The following SEZ6L variants were observed in gnomAD, a reference collection of about 807,000 sequenced individuals.
SEZ6L encodes the protein seizure 6-like protein.
SEZ6L carries 37 observed loss-of-function variants against 106.2 expected under a neutral mutation model. The observed-to-expected ratio is 0.35, with a 90% confidence interval of 0.27 to 0.46. The LOEUF (loss-of-function observed/expected upper bound fraction) is 0.46, where lower values mean the gene tolerates loss of function less well. Among genes scored for constraint, SEZ6L ranks in the 20% least tolerant of loss-of-function variants. The pLI is 1.00. For missense variants in SEZ6L, 1,172 were observed against 1,332.8 expected (o/e 0.88, Z 1.88); for synonymous variants, 541 against 570.4 (o/e 0.95, Z 0.73).
intron 1 of SEZ6L, among the ~76,000 whole-genome samples, chr22:26,261,797 G>A (rs570422648): frequency 2.6e-5 from 4 of 152,308 alleles, no homozygotes; most frequent in African/African-American, 9.6e-5. Flanking sequence ...ATAAAATGGG[G>A]ATGAAATAAT....
intron 1 of SEZ6L, among the ~76,000 whole-genome samples, chr22:26,219,663 A>T (rs968452804): frequency 6.6e-6 from 1 of 152,228 alleles, no homozygotes; most frequent in African/African-American, 2.4e-5. Context: ...AAAGAGGATC[A>T]TTAAAGTTCT....
At chr22:26,325,303 C>T (rs1008003782) in intron 9 of SEZ6L, among the ~76,000 whole-genome samples, 1 of 152,172 alleles carries the variant, frequency 6.6e-6, no homozygotes, top group African/African-American at 2.4e-5. Flanking sequence ...GCTACCATGA[C>T]CATAGAAGAG....
intron 10 of SEZ6L, among the ~76,000 whole-genome samples, chr22:26,342,544 AC>A (rs778643342): frequency 6.6e-4 from 100 of 151,464 alleles, no homozygotes; most frequent in Non-Finnish European, 1.1e-3. Context: ...AAAAAAAAAA[AC>A]ATTAGCTGGG....
rs143534457 is a variant in SEZ6L at position 26,306,523 on chromosome 22, A to C, written c.1514+379A>C. ...CCATGGAGAACATGAAAGAAGTAGA[A>C]AATATTAGTTTCTGACATGATAGGA... is the stretch of plus-strand genomic sequence containing the variant. On this transcript the variant is annotated intron_variant, in intron 6 of 16. Coordinates refer to ENST00000248933, the MANE Select transcript of SEZ6L (RefSeq NM_021115.5). Among the ~76,000 whole-genome samples, 380 of 152,338 alleles carry C rather than the reference A, an allele frequency of 2.5e-3. 8 individuals carry two copies. The East Asian group carries it at 0.059, about 24-fold the overall frequency.
At chr22:26,372,950 A>G (rs1361734242) in intron 13 of SEZ6L, among the ~76,000 whole-genome samples, 1 of 152,182 alleles carries the variant, frequency 6.6e-6, no homozygotes, top group Admixed American at 6.5e-5. Flanking sequence ...TTTGCCCCAC[A>G]TGAAAATGAT....
chr22:26,171,768 G>C (rs1019863721), intron 1 of SEZ6L, among the ~76,000 whole-genome samples: 1 of 152,170 alleles, frequency 6.6e-6, no homozygotes, highest in Non-Finnish European at 1.5e-5. Flanking sequence ...ATAAGTGTGT[G>C]GTTCTGACTC....
intron 9 of SEZ6L, 132 bp downstream of exon 9, chr22:26,314,034 G>T: frequency 1.2e-6 from 1 of 828,110 alleles, no homozygotes. Flanking sequence ...GCAGAGAACA[G>T]GCATTCCCAT....
At chr22:26,188,473 C>G (rs182138485) in intron 1 of SEZ6L, among the ~76,000 whole-genome samples, 8 of 152,270 alleles carry the variant, frequency 5.3e-5, no homozygotes, top group Admixed American at 5.2e-4. Flanking sequence ...TTGGCCTTCT[C>G]CCACCATGGG....
chr22:26,170,800 G>A (rs371937313), intron 1 of SEZ6L, among the ~76,000 whole-genome samples: 1 of 152,192 alleles, frequency 6.6e-6, no homozygotes, highest in African/African-American at 2.4e-5. Context: ...CGCTCCTCAC[G>A]TGTAAAAAAG....
intron 15 of SEZ6L, among the ~76,000 whole-genome samples, chr22:26,375,906 A>G (rs1400115900): frequency 1.3e-5 from 2 of 152,238 alleles, no homozygotes; most frequent in Admixed American, 6.5e-5. Context: ...GACAAATACT[A>G]TTCCTGCCCT....
At chr22:26,291,289 A>G (rs2081099179) in intron 1 of SEZ6L, among the ~76,000 whole-genome samples, 1 of 152,224 alleles carries the variant, frequency 6.6e-6, no homozygotes, top group Admixed American at 6.5e-5. Context: ...TGTCCTTTGC[A>G]GGGACATAGA....
At chr22:26,308,423 C>A (rs2081707143) in intron 6 of SEZ6L, among the ~76,000 whole-genome samples, 1 of 150,562 alleles carries the variant, frequency 6.6e-6, no homozygotes, top group African/African-American at 2.5e-5. Flanking sequence ...TTTTGAATGC[C>A]AGGCTACTTT....
chr22:26,224,999 C>A (rs143816242), intron 1 of SEZ6L, among the ~76,000 whole-genome samples: 1 of 152,174 alleles, frequency 6.6e-6, no homozygotes, highest in African/African-American at 2.4e-5. Flanking sequence ...ACATGTTTCA[C>A]TTTGGGGCCT....
rs1220370123 is a variant in SEZ6L, at chr22:26,305,962, A to G, written c.1349-17A>G. The G allele has an allele frequency of 2.0e-6, 3 of 1,511,666 alleles. No homozygotes were observed. Among genetic ancestry groups the G allele is most frequent in the Non-Finnish European group, 2.7e-6 (3 of 1,103,672 alleles). The allele number at this position is 1,511,666 out of a possible 1,614,324, so 93.6% of individuals were successfully genotyped here. A position where few individuals can be genotyped will look rare whatever the true frequency, so the allele number is the denominator to read the frequency against. ...CTCTGCTCTCTCCCATTGCCCACCC[A>G]CCCCTTTCTGGATCAGCTCCTTGTG... On this transcript the variant is annotated splice_polypyrimidine_tract_variant and intron_variant, in intron 5 of 16. Coordinates refer to ENST00000248933, the MANE Select transcript of SEZ6L (RefSeq NM_021115.5).
intron 1 of SEZ6L, among the ~76,000 whole-genome samples, chr22:26,213,912 T>G (rs2078229270): frequency 1.3e-5 from 2 of 151,994 alleles, no homozygotes; most frequent in Admixed American, 6.5e-5. Context: ...TAAAATGAGA[T>G]CCTGTCTCTT....
intron 1 of SEZ6L, among the ~76,000 whole-genome samples, chr22:26,193,866 CT>C (rs1312886131): frequency 1.3e-5 from 2 of 152,160 alleles, no homozygotes; most frequent in Non-Finnish European, 2.9e-5. Context: ...ATATCAGGAA[CT>C]GTGCTAGTTA....
chr22:26,220,753 T>C (rs565462141), intron 1 of SEZ6L, among the ~76,000 whole-genome samples: 1 of 152,320 alleles, frequency 6.6e-6, no homozygotes, highest in South Asian at 2.1e-4. Flanking sequence ...CAGGGGCCAC[T>C]GGGTATCCCC....
At chr22:26,350,999 C>A in intron 11 of SEZ6L, 53 bp from the exon 12 acceptor site, 1 of 1,539,610 alleles carries the variant, frequency 6.5e-7, no homozygotes, top group Non-Finnish European at 8.8e-7. Flanking sequence ...CTCAGCAAAC[C>A]CATGGTCATC....
chr22:26,299,529 T>G (rs980593678), intron 5 of SEZ6L, among the ~76,000 whole-genome samples: 1 of 152,220 alleles, frequency 6.6e-6, no homozygotes, highest in African/African-American at 2.4e-5. Flanking sequence ...CTCTGTGGAT[T>G]TATCTATTGT....
Sources: allele counts gnomAD v4.1 joint callset (sites outside exome capture counted in the v4.1 genomes callset), GRCh38; gene constraint gnomAD v4.1.1; transcripts MANE v1.5; gene names NCBI Gene and HGNC (gene_info 2026-07-23, HGNC 2026-07-21).